The following EML4 variants were observed in gnomAD, a reference collection of about 807,000 sequenced individuals.
EML4 encodes echinoderm microtubule-associated protein-like 4.
Under a neutral mutation model 129.0 loss-of-function variants are expected in EML4, and 72 were observed. The observed-to-expected ratio is 0.56, with a 90% CI of 0.46 to 0.68. The LOEUF is 0.68. Ranked by LOEUF, EML4 falls within the 30% of genes least tolerant of loss-of-function variation. The pLI is 0.00. For missense variants in EML4, 1,363 were observed against 1,190.6 expected, an observed-to-expected ratio of 1.14 and a Z score of -2.13; for synonymous variants, 532 against 405.0, an observed-to-expected ratio of 1.31 and a Z score of -3.77.
At chr2:42,280,195 C>G (rs1395401078) in intron 6 of EML4, among the ~76,000 whole-genome samples, 3 of 152,194 alleles carry the variant, frequency 2.0e-5, no homozygotes, top group Admixed American at 2.0e-4. Flanking sequence ...GTTAGAAAAA[C>G]TGCTGTCACA....
At chr2:42,325,004 G>A (rs1669709456) in intron 19 of EML4, among the ~76,000 whole-genome samples, 1 of 152,098 alleles carries the variant, frequency 6.6e-6, no homozygotes, top group Non-Finnish European at 1.5e-5. Flanking sequence ...ACCATATACG[G>A]GTGCTGTATT....
intron 5 of EML4, among the ~76,000 whole-genome samples, chr2:42,264,334 T>C (rs1371978393): frequency 6.6e-6 from 1 of 151,968 alleles, no homozygotes; most frequent in Non-Finnish European, 1.5e-5. Flanking sequence ...CCCAGGCTGG[T>C]CTTAAACTCC....
chr2:42,246,028 CAT>C (rs1385612903), intron 2 of EML4, among the ~76,000 whole-genome samples: 20 of 152,216 alleles, frequency 1.3e-4, no homozygotes, highest in African/African-American at 4.6e-4. Flanking sequence ...GGTAGGCACT[CAT>C]GTGTTCTTAA....
intron 1 of EML4, among the ~76,000 whole-genome samples, chr2:42,173,105 C>T (rs1406129887): frequency 6.6e-6 from 1 of 152,140 alleles, no homozygotes; most frequent in Non-Finnish European, 1.5e-5. Flanking sequence ...TAAATGTGAA[C>T]AAGTATAGCA....
At chr2:42,170,498 G>GGCTGAAGTGCC (rs1407453117) in intron 1 of EML4, among the ~76,000 whole-genome samples, 5 of 152,236 alleles carry the variant, frequency 3.3e-5, no homozygotes, top group African/African-American at 1.2e-4. Flanking sequence ...TTATTAAATA[G>GGCTGAAGTGCC]GCTGAAGTGC....
In EML4 at chr2:42,282,881, A is replaced by G. The variant is rs1667089485; in HGVS notation, c.850A>G (p.Ile284Val). The G allele has an allele frequency of 1.2e-6, 2 of 1,612,506 alleles. No homozygotes were observed. Among genetic ancestry groups the G allele is most frequent in the African/African-American group, 1.3e-5 (1 of 74,878 alleles). Residue 284 changes from isoleucine (I) to valine (V), a missense_variant, in exon 8 of 23, where the codon ATA (isoleucine) becomes GTA (valine). Ile to Val is a conservative substitution (Grantham distance 29). Transcript: ENST00000318522. Reference protein sequence around the residue: ...ANVYLLPTGKIVYFIASVVVL... With the variant: ...ANVYLLPTGKVVYFIASVVVL... ...TGTTTACCTTCTTCCGACCGGGAAA[A>G]TAGTTTATTTCATTGCATCAGTAGT...
At chr2:42,229,880 T>C (rs1244036366) in intron 1 of EML4, among the ~76,000 whole-genome samples, 1 of 148,640 alleles carries the variant, frequency 6.7e-6, no homozygotes, top group Non-Finnish European at 1.5e-5. Context: ...GGCAGGAAGA[T>C]AGATAGCCTC....
chr2:42,248,499 T>C (rs544105517), intron 2 of EML4, among the ~76,000 whole-genome samples: 117 of 152,304 alleles, frequency 7.7e-4, no homozygotes, highest in African/African-American at 2.6e-3. Flanking sequence ...CAGGAACTTA[T>C]TTTCTGTAAG....
intron 6 of EML4, 87 bp from the exon 7 acceptor site, chr2:42,280,761 TTG>T: frequency 1.0e-6 from 1 of 992,066 alleles, no homozygotes; most frequent in South Asian, 1.8e-5. Flanking sequence ...CATTTTTGTC[TTG>T]TTTTTATTGT....
intron 19 of EML4, among the ~76,000 whole-genome samples, chr2:42,323,178 T>G (rs936856702): frequency 6.6e-6 from 1 of 152,226 alleles, no homozygotes; most frequent in Non-Finnish European, 1.5e-5. Flanking sequence ...GCCTGTACTT[T>G]GCCATGACCA....
At chr2:42,232,536 C>T (rs540549685) in intron 1 of EML4, among the ~76,000 whole-genome samples, 1 of 152,274 alleles carries the variant, frequency 6.6e-6, no homozygotes, top group African/African-American at 2.4e-5. Flanking sequence ...TCCTTCCTAG[C>T]CTGTAATGTT....
chr2:42,213,627 G>A (rs1572554959), intron 1 of EML4, among the ~76,000 whole-genome samples: 1 of 152,158 alleles, frequency 6.6e-6, no homozygotes, highest in East Asian at 1.9e-4. Context: ...TTGTTAGCCT[G>A]TTGTCTCCCT....
chr2:42,325,119 T>TG (rs1669716396), intron 19 of EML4: 2 of 474,420 alleles, frequency 4.2e-6, no homozygotes, highest in South Asian at 3.0e-5. Flanking sequence ...TTCTCAAAAA[T>TG]GGAGTCACTC....
intron 1 of EML4, among the ~76,000 whole-genome samples, chr2:42,185,586 G>T (rs1414956519): frequency 6.6e-6 from 1 of 152,128 alleles, no homozygotes; most frequent in Non-Finnish European, 1.5e-5. Context: ...CATAGCATGG[G>T]GTCATTGGGG....
intron 6 of EML4, among the ~76,000 whole-genome samples, chr2:42,278,322 C>T (rs1572676484): frequency 6.6e-6 from 1 of 152,120 alleles, no homozygotes; most frequent in Non-Finnish European, 1.5e-5. Context: ...CAGGTAATCC[C>T]AGCACTTTGG....
Position 42,301,213 on chromosome 2 carries a change from T to C in EML4, c.1490-28T>C, listed in dbSNP as rs1254653264. 4 of 1,586,856 alleles carry C rather than the reference T, an allele frequency of 2.5e-6. No individual in the cohort carries two copies. The African/African-American group carries it at 5.4e-5, about 22-fold the overall frequency. On this transcript the variant is annotated intron_variant, in intron 13 of 22. Transcript: ENST00000318522. The stretch of plus-strand genomic sequence containing the variant: ...AAAATCTGAAGAAAAGTATTATCAC[T>C]AGTGTTTTTATTTTTCCCTCATATT...
At chr2:42,224,409 T>C (rs1673817389) in intron 1 of EML4, among the ~76,000 whole-genome samples, 1 of 152,210 alleles carries the variant, frequency 6.6e-6, no homozygotes, top group South Asian at 2.1e-4. Flanking sequence ...AGTAATATTC[T>C]GTCACATGGG....
chr2:42,259,173 G>A (rs1231216757), intron 3 of EML4, among the ~76,000 whole-genome samples: 1 of 151,934 alleles, frequency 6.6e-6, no homozygotes, highest in African/African-American at 2.4e-5. Flanking sequence ...CTTGAACCTT[G>A]GAGATGGAGG....
chr2:42,228,973 G>A (rs1029245469), intron 1 of EML4, among the ~76,000 whole-genome samples: 6 of 152,044 alleles, frequency 3.9e-5, no homozygotes, highest in African/African-American at 1.4e-4. Flanking sequence ...TTAATTTTCT[G>A]ATGATTAAAT....
Sources: allele counts gnomAD v4.1 joint callset (sites outside exome capture counted in the v4.1 genomes callset), GRCh38; gene constraint gnomAD v4.1.1; transcripts MANE v1.5; gene names NCBI Gene and HGNC (gene_info 2026-07-23, HGNC 2026-07-21).